Variants in ZNF782 observed in about 807,000 individuals in gnomAD.
ZNF782 encodes zinc finger protein 782.
A neutral mutation model predicts 13.0 loss-of-function variants in ZNF782; 12 were observed. The ratio of observed to expected loss-of-function variants is 0.92; its 90% CI spans 0.59 to 1.50. The LOEUF (loss-of-function observed/expected upper bound fraction) is 1.50. ZNF782 is among the 40% of genes most tolerant of loss of function. ZNF782 has a pLI of 0.00. For synonymous variants in ZNF782, 284 were observed against 283.0 expected, an observed-to-expected ratio of 1.00 and a Z score of -0.04; for missense variants, 770 against 822.9, an observed-to-expected ratio of 0.94 and a Z score of 0.79.
intron 4 of ZNF782, among the ~76,000 whole-genome samples, chr9:96,830,883 T>A (rs747121767): frequency 6.6e-6 from 1 of 152,132 alleles, no homozygotes; most frequent in Non-Finnish European, 1.5e-5. Context: ...AGAAGATATA[T>A]GAAGTAGGTA....
chr9:96,877,011 T>C (rs552403888), upstream of ZNF782, among the ~76,000 whole-genome samples: 6 of 135,814 alleles, frequency 4.4e-5, no homozygotes, highest in Non-Finnish European at 3.1e-5. Context: ...AAAATGGCTA[T>C]CAGGCAAATC....
chr9:96,876,828 A>ATCTTTTCTTACATTATTGT (rs1851897187), upstream of ZNF782, among the ~76,000 whole-genome samples: 1 of 151,904 alleles, frequency 6.6e-6, no homozygotes, highest in Non-Finnish European at 1.5e-5. Flanking sequence ...CAACACGGTG[A>ATCTTTTCTTACATTATTGT]AACCACGTCT....
At position 96,818,624 on chromosome 9, in the gene ZNF782, C is replaced by T; in HGVS notation, c.1399G>A (p.Val467Met). 1.9e-6 allele frequency: 3 copies of T among 1,613,322 alleles called. No homozygotes were observed. The highest frequency in any genetic ancestry group is 2.2e-5 in the South Asian group (2 of 91,038). The part of the protein sequence containing the change: ...KSFNYKSILI[V>M]HQRTHTGEKP... ...TCCCCTGTGTGAGTTCTCTGATGCA[C>T]TATGAGGATTGACTTATAGTTAAAA... The change falls in exon 6 of 6, where the codon GTG becomes ATG. Residue 467 changes from valine to methionine, a missense_variant. Coordinates refer to ENST00000481138, the MANE Select transcript of ZNF782 (RefSeq NM_001001662.3).
At chr9:96,881,843 A>G in the ZNF782 span, among the ~76,000 whole-genome samples, 4 of 152,090 alleles carry the variant, frequency 2.6e-5, no homozygotes, top group Non-Finnish European at 5.9e-5. Flanking sequence ...TTATTTAAAT[A>G]AAATGTAAAT....
the ZNF782 span, chr9:96,892,312 T>G: frequency 6.6e-6 from 1 of 152,204 alleles, no homozygotes; most frequent in African/African-American, 2.4e-5. Flanking sequence ...AAACAAAATG[T>G]GGCATATGCA....
chr9:96,925,628 C>CA, the ZNF782 span, among the ~76,000 whole-genome samples: 3,243 of 85,202 alleles, frequency 0.038, 54 homozygotes, highest in Middle Eastern at 0.044. Context: ...GACTCTATCT[C>CA]AAAAAAAAAA....
At chr9:96,866,821 A>G (rs1356191839) in intron 1 of ZNF782, among the ~76,000 whole-genome samples, 2 of 152,238 alleles carry the variant, frequency 1.3e-5, no homozygotes, top group African/African-American at 4.8e-5. Flanking sequence ...ACATGGAGTC[A>G]AAGGAGATCA....
chr9:96,859,345 A>G (rs1448326312), upstream of ZNF782, among the ~76,000 whole-genome samples: 1 of 152,060 alleles, frequency 6.6e-6, no homozygotes, highest in Non-Finnish European at 1.5e-5. Flanking sequence ...TAGACAGTGC[A>G]GCTCGCAGCT....
At chr9:96,843,447 C>T (rs1303863941) in intron 4 of ZNF782, among the ~76,000 whole-genome samples, 1 of 152,198 alleles carries the variant, frequency 6.6e-6, no homozygotes, top group Non-Finnish European at 1.5e-5. Flanking sequence ...TATGATTCCA[C>T]TTATATAACA....
At chr9:96,833,664 T>C (rs1850883422) in intron 4 of ZNF782, among the ~76,000 whole-genome samples, 1 of 152,202 alleles carries the variant, frequency 6.6e-6, no homozygotes, top group South Asian at 2.1e-4. Context: ...AGTTATTCCT[T>C]TTCTCCAGTA....
At position 96,826,039 on chromosome 9, in the gene ZNF782, C is replaced by G. The variant is rs1002972660; in HGVS notation, c.244+1041G>C. On this transcript the variant is annotated intron_variant, in intron 5 of 5. Transcript: ENST00000481138. Reference sequence around the variant, plus strand: ...AGAAATACCATTTGAGCCAGCCATCCCATTACTGGGTATATACCCAAAGGA... The same window carrying G: ...AGAAATACCATTTGAGCCAGCCATCGCATTACTGGGTATATACCCAAAGGA... Among the ~76,000 whole-genome samples the G allele has an allele frequency of 2.7e-4, 41 of 151,624 alleles. 1 individual carries two copies. Among genetic ancestry groups the G allele is most frequent in the Non-Finnish European group, 1.5e-4 (10 of 67,812 alleles).
chr9:96,852,634 G>A (rs557860149), intron 2 of ZNF782, among the ~76,000 whole-genome samples: 2 of 152,318 alleles, frequency 1.3e-5, no homozygotes, highest in South Asian at 2.1e-4. Context: ...ACAACAGGAT[G>A]AGACTCTGTC....
At chr9:96,924,584 T>TA in the ZNF782 span, among the ~76,000 whole-genome samples, 5 of 131,760 alleles carry the variant, frequency 3.8e-5, no homozygotes, top group South Asian at 1.4e-3. Flanking sequence ...CAGCTGCTCA[T>TA]ATCATTGACA....
chr9:96,911,535 T>G, the ZNF782 span, among the ~76,000 whole-genome samples: 6 of 148,412 alleles, frequency 4.0e-5, no homozygotes, highest in Admixed American at 4.0e-4. Flanking sequence ...TGTTTTTTTT[T>G]TTTGAGAGTT....
At position 96,819,368 on chromosome 9, in the gene ZNF782, C is replaced by G. The variant is rs146614973; in HGVS notation, c.655G>C (p.Glu219Gln). 744 of 1,602,682 alleles carry G rather than the reference C, an allele frequency of 4.6e-4. 6 individuals carry two copies. The African/African-American group carries it at 8.9e-3, about 19-fold the overall frequency. The change falls in exon 6 of 6, where the codon GAA becomes CAA. Residue 219 changes from glutamate to glutamine, a missense_variant. Coordinates refer to ENST00000481138, the MANE Select transcript of ZNF782 (RefSeq NM_001001662.3). ...TTTTCAAGAAAAGCTTTTCTACTTT[C>G]ATTATATTCAAAATCTTGCCCCAGA... The part of the protein sequence containing the change: ...QTLGQDFEYN[E>Q]SRKAFLEKAA...
intron 1 of ZNF782, among the ~76,000 whole-genome samples, chr9:96,870,903 G>A (rs1270725822): frequency 6.6e-6 from 1 of 152,116 alleles, no homozygotes; most frequent in Non-Finnish European, 1.5e-5. Flanking sequence ...AAAGCTTCTG[G>A]ATAACATTTG....
chr9:96,917,451 A>T, the ZNF782 span, among the ~76,000 whole-genome samples: 1 of 151,006 alleles, frequency 6.6e-6, no homozygotes, highest in African/African-American at 2.4e-5. Context: ...TTTTTTTTTG[A>T]GACAGAGTCT....
intron 5 of ZNF782, among the ~76,000 whole-genome samples, chr9:96,821,947 A>G (rs896855141): frequency 2.0e-5 from 3 of 152,196 alleles, no homozygotes; most frequent in Non-Finnish European, 4.4e-5. Context: ...TACAGGCGTA[A>G]GCCACCGCGC....
chr9:96,911,393 C>G, the ZNF782 span, among the ~76,000 whole-genome samples: 5 of 122,630 alleles, frequency 4.1e-5, no homozygotes, highest in Non-Finnish European at 6.5e-5. Context: ...GAGCCGAGAT[C>G]GCGCCACTGC....
Sources: gnomAD v4.1 joint callset for allele counts (sites outside exome capture counted in the v4.1 genomes callset) on GRCh38, gnomAD v4.1.1 for gene constraint, MANE v1.5 for transcripts, NCBI Gene and HGNC (gene_info 2026-07-23, HGNC 2026-07-21) for gene names.